The following SPRR2F variants were observed in gnomAD, a reference collection of about 807,000 sequenced individuals.
SPRR2F encodes small proline-rich protein 2F.
In SPRR2F, 2 loss-of-function variants were observed where a neutral mutation model predicts 0.8. The observed-to-expected ratio is 2.52, with a 90% CI of 1.03 to 7.95. The LOEUF is 7.95. Ranked by LOEUF, SPRR2F falls within the 30% of genes most tolerant of loss-of-function variation. The pLI is 0.04. For missense variants in SPRR2F, 80 were observed against 85.8 expected, an observed-to-expected ratio of 0.93 and a Z score of 0.27; for synonymous variants, 39 against 33.4, an observed-to-expected ratio of 1.17 and a Z score of -0.58.
upstream of SPRR2F, among the ~76,000 whole-genome samples, chr1:153,113,992 ATTTTTTTTTTTTT>A (rs1171281660): frequency 3.8e-5 from 3 of 78,728 alleles, no homozygotes; most frequent in East Asian, 3.6e-4. Context: ...CTGGTCCCAG[ATTTTTTTTTTTTT>A]TTTTTTTTTT....
At chr1:153,113,992 A>ATT (rs1171281660), upstream of SPRR2F, among the ~76,000 whole-genome samples, 109 of 78,738 alleles carry the variant, frequency 1.4e-3, 8 homozygotes, top group Non-Finnish European at 1.9e-3. Flanking sequence ...CTGGTCCCAG[A>ATT]TTTTTTTTTT....
At chr1:153,118,526 T>C in the SPRR2F span, among the ~76,000 whole-genome samples, 1 of 152,092 alleles carries the variant, frequency 6.6e-6, no homozygotes, top group Admixed American at 6.6e-5. Context: ...CAATTTATCA[T>C]CAGATGTCTT....
the SPRR2F span, among the ~76,000 whole-genome samples, chr1:153,119,171 A>G: frequency 2.0e-5 from 3 of 152,216 alleles, no homozygotes; most frequent in African/African-American, 4.8e-5. Context: ...TCAAGCAATC[A>G]TGGAAGAAAT....
At chr1:153,114,917 C>CAGA (rs1476499741), upstream of SPRR2F, among the ~76,000 whole-genome samples, 2 of 152,154 alleles carry the variant, frequency 1.3e-5, no homozygotes, top group East Asian at 3.9e-4. Context: ...GACCAGTAGT[C>CAGA]AGAAAGCTTT....
upstream of SPRR2F, among the ~76,000 whole-genome samples, chr1:153,116,289 A>G (rs1222454433): frequency 2.0e-5 from 3 of 152,226 alleles, no homozygotes; most frequent in African/African-American, 7.2e-5. Flanking sequence ...GTAAAAGCAT[A>G]TATAAAGCAT....
rs1340688567 is a variant in SPRR2F, at chr1:153,112,368, G to A, written c.*147C>T. The A allele has an allele frequency of 7.1e-7, 1 of 1,413,052 alleles. No homozygotes were observed. Among genetic ancestry groups the A allele is most frequent in the Non-Finnish European group, 9.6e-7 (1 of 1,045,600 alleles). The allele number at this position is 1,413,052 out of a possible 1,614,324, so 87.5% of individuals were successfully genotyped here. A position where few individuals can be genotyped will look rare whatever the true frequency, so the allele number is the denominator to read the frequency against. On this transcript the variant is annotated 3_prime_UTR_variant, in exon 2 of 2. Transcript: ENST00000468739. The stretch of plus-strand genomic sequence containing the variant: ...AAAAAGAAAACCTTTTGCTATCAGA[G>A]ATCATCACAGGCCGATCACAGGCTA...
At chr1:153,117,768 CCTCTT>C (rs1655746183), upstream of SPRR2F, among the ~76,000 whole-genome samples, 2 of 152,008 alleles carry the variant, frequency 1.3e-5, no homozygotes, top group African/African-American at 4.8e-5. Flanking sequence ...TGACACTTCT[CCTCTT>C]AAGAATCTTT....
chr1:153,116,269 T>C (rs548687125), upstream of SPRR2F, among the ~76,000 whole-genome samples: 51 of 152,310 alleles, frequency 3.3e-4, no homozygotes, highest in Non-Finnish European at 5.1e-4. Flanking sequence ...TTTAAAACAT[T>C]CAAATTATAG....
Position 153,112,124 on chromosome 1 carries a change from A to G in SPRR2F, c.*391T>C, listed in dbSNP as rs1290570789. Reference sequence around the variant, plus strand: ...ACAAAAGATCCATTCACAAATATATATGCATAGATTCTTTATTCAGGGAGT... The same window carrying G: ...ACAAAAGATCCATTCACAAATATATGTGCATAGATTCTTTATTCAGGGAGT... On this transcript the variant is annotated 3_prime_UTR_variant, in exon 2 of 2. Coordinates refer to ENST00000468739, the MANE Select transcript of SPRR2F (RefSeq NM_001014450.3). 3.5e-6 allele frequency: 1 copy of G among 287,700 alleles called. No homozygotes were observed. Among genetic ancestry groups the G allele is most frequent in the East Asian group, 6.4e-5 (1 of 15,690 alleles). The allele number at this position is 287,700 out of a possible 1,614,324, so 17.8% of individuals were successfully genotyped here.
chr1:153,115,552 T>G (rs1655707438), upstream of SPRR2F, among the ~76,000 whole-genome samples: 1 of 152,100 alleles, frequency 6.6e-6, no homozygotes. Flanking sequence ...ACAAGTGAAC[T>G]TGAAATTCAG....
upstream of SPRR2F, among the ~76,000 whole-genome samples, chr1:153,115,637 AG>A (rs1655708547): frequency 6.6e-6 from 1 of 152,154 alleles, no homozygotes. Flanking sequence ...AGCTTCCCCA[AG>A]TTAGGACATC....
upstream of SPRR2F, among the ~76,000 whole-genome samples, chr1:153,114,643 C>G (rs976025217): frequency 1.3e-5 from 2 of 152,146 alleles, no homozygotes; most frequent in Non-Finnish European, 2.9e-5. Context: ...AGGTGTTTCT[C>G]AGTGTTTTTT....
chr1:153,116,565 G>A (rs1031907975), upstream of SPRR2F, among the ~76,000 whole-genome samples: 2 of 152,072 alleles, frequency 1.3e-5, no homozygotes, highest in African/African-American at 4.8e-5. Flanking sequence ...ACCAAAGGTG[G>A]GGCTGGACGT....
upstream of SPRR2F, among the ~76,000 whole-genome samples, chr1:153,114,067 T>C (rs10157591): frequency 7.0e-6 from 1 of 143,168 alleles, no homozygotes; most frequent in African/African-American, 2.6e-5. Context: ...CTCCTCCCTG[T>C]GATTATAAGC....
At chr1:153,115,441 T>C (rs1424864225), upstream of SPRR2F, among the ~76,000 whole-genome samples, 1 of 152,178 alleles carries the variant, frequency 6.6e-6, no homozygotes, top group Non-Finnish European at 1.5e-5. Context: ...GAGACTCCCC[T>C]TCTGAGAACA....
the SPRR2F span, among the ~76,000 whole-genome samples, chr1:153,119,100 T>C: frequency 6.6e-6 from 1 of 151,974 alleles, no homozygotes; most frequent in Non-Finnish European, 1.5e-5. Context: ...ATAGAACATA[T>C]ACAAAAGGAA....
upstream of SPRR2F, among the ~76,000 whole-genome samples, chr1:153,117,580 A>C (rs1655742344): frequency 6.6e-6 from 1 of 152,076 alleles, no homozygotes; most frequent in Non-Finnish European, 1.5e-5. Context: ...GAACTGAATC[A>C]TTCATTAGCA....
rs1428359152 is a variant in SPRR2F at position 153,112,703 on chromosome 1, G to A, written c.31C>T (p.Pro11Ser). 6.2e-6 allele frequency: 10 copies of A among 1,612,154 alleles called. No individual in the cohort carries two copies. The highest frequency in any genetic ancestry group is 8.5e-6 in the Non-Finnish European group (10 of 1,179,838). MSYQQQQCKQ[P>S]CQPPPVCPAP... ...GGGCACACAGGAGGTGGCTGGCAGG[G>A]CTGCTTGCACTGCTGCTGTTGATAA... Residue 11 changes from proline to serine, a missense_variant, in exon 2 of 2, where the codon CCC becomes TCC. Pro to Ser is a moderately conservative substitution (Grantham distance 74). Coordinates refer to ENST00000468739, the MANE Select transcript of SPRR2F (RefSeq NM_001014450.3).
At chr1:153,112,971 GA>G (rs1457003044) in intron 1 of SPRR2F, among the ~76,000 whole-genome samples, 21 of 152,176 alleles carry the variant, frequency 1.4e-4, no homozygotes, top group African/African-American at 4.8e-4. Flanking sequence ...TTTTTCCAAA[GA>G]AAATATCTCT....
Sources: gnomAD v4.1 joint callset for allele counts (sites outside exome capture counted in the v4.1 genomes callset) on GRCh38, gnomAD v4.1.1 for gene constraint, MANE v1.5 for transcripts, NCBI Gene and HGNC (gene_info 2026-07-23, HGNC 2026-07-21) for gene names.